Variants in LAG3 observed in about 807,000 individuals in gnomAD.
The protein encoded by LAG3 is lymphocyte activation gene 3 protein.
A neutral mutation model predicts 49.0 loss-of-function variants in LAG3; 29 were observed. The observed-to-expected ratio is 0.59, with a 90% CI of 0.44 to 0.81. The LOEUF is 0.81. Among genes scored for constraint, LAG3 ranks in the 30% least tolerant of loss-of-function variants. LAG3 has a pLI of 0.00. For synonymous variants in LAG3, 320 were observed against 297.3 expected, an observed-to-expected ratio of 1.08 and a Z score of -0.79; for missense variants, 693 against 695.2, an observed-to-expected ratio of 1.00 and a Z score of 0.04.
In LAG3 at chr12:6,773,875, C is replaced by A; in HGVS notation, c.385C>A (p.Arg129Ser). Reference protein sequence around the residue: ...RVQLDERGRQRGDFSLWLRPA... With the variant: ...RVQLDERGRQSGDFSLWLRPA... ...CCAGCTGGATGAGCGCGGCCGGCAG[C>A]GCGGGGACTTCTCGCTATGGCTGCG... Residue 129 changes from arginine to serine, a missense_variant, in exon 3 of 8, where the codon CGC becomes AGC. By Grantham distance (110) the Arg-to-Ser change is moderately radical (BLOSUM62 -1). Coordinates refer to ENST00000203629, the MANE Select transcript of LAG3 (RefSeq NM_002286.6). This position sits in a 1 kb window ranked among gnomAD's most constrained non-coding sequence, Gnocchi z 5.5. 1.4e-6 allele frequency: 2 copies of A among 1,400,678 alleles called. No homozygotes were observed. The highest frequency in any genetic ancestry group is 3.5e-5 in the Admixed American group (1 of 28,554). 86.8% of individuals were successfully genotyped at this position (1,400,678 alleles called of 1,614,324 possible). A position where few individuals can be genotyped will look rare whatever the true frequency, so the allele number is the denominator to read the frequency against.
Position 6,773,551 on chromosome 12 carries a change from C to T in LAG3, c.207-146C>T. On this transcript the variant is annotated intron_variant, in intron 2 of 7. Transcript: ENST00000203629. This position sits in a 1 kb window ranked among gnomAD's most constrained non-coding sequence, Gnocchi z 5.5. ...CTCTCCAGAAGTGGATGCGGCCAGT[C>T]CAACAGAGGGGTCGGGCGTGAGGGG... 8.8e-7 allele frequency: 1 copy of T among 1,140,020 alleles called. No homozygotes were observed. Among genetic ancestry groups the T allele is most frequent in the African/African-American group, 1.6e-5 (1 of 61,372 alleles). The allele number at this position is 1,140,020 out of a possible 1,614,324, so 70.6% of individuals were successfully genotyped here. A position where few individuals can be genotyped will look rare whatever the true frequency, so the allele number is the denominator to read the frequency against.
In LAG3 at chr12:6,772,644, G is replaced by C; in HGVS notation, c.-209G>C. The C allele has an allele frequency of 1.1e-5, 5 of 462,350 alleles. No homozygotes were observed. The highest frequency in any genetic ancestry group is 2.0e-5 in the African/African-American group (1 of 49,458). The allele number at this position is 462,350 out of a possible 1,614,324, so 28.6% of individuals were successfully genotyped here. On this transcript the variant is annotated 5_prime_UTR_variant, in exon 1 of 8. Coordinates refer to ENST00000203629, the MANE Select transcript of LAG3 (RefSeq NM_002286.6). ...CTCCTCAGGCTGCCTGATCTGCCCA[G>C]CTTTCCAGCTTTCCTCTGGATTCCG...
Position 6,778,316 on chromosome 12 carries a change from C to G in LAG3, c.1504C>G (p.Leu502Val), listed in dbSNP as rs778268768. 13 of 1,613,600 alleles carry G rather than the reference C, an allele frequency of 8.1e-6. No homozygotes were observed. The highest frequency in any genetic ancestry group is 1.0e-5 in the Non-Finnish European group (12 of 1,179,864). ...GCAGGCTCAGAGCAAGATAGAGGAG[C>G]TGGAGCAAGAACCGGAGCCGGAGCC... ...PPQAQSKIEE[L>V]EQEPEPEPEP... Residue 502 changes from leucine to valine, a missense_variant, in exon 8 of 8, where the codon CTG becomes GTG. Leu to Val is a conservative substitution (Grantham distance 32, BLOSUM62 1). Coordinates refer to ENST00000203629, the MANE Select transcript of LAG3 (RefSeq NM_002286.6).
chr12:6,777,602 C>A, intron 6 of LAG3, 96 bp downstream of exon 6: 1 of 1,510,066 alleles, frequency 6.6e-7, no homozygotes, highest in Non-Finnish European at 8.9e-7. Flanking sequence ...CAGCGCTTTT[C>A]TTTCCAGTCA....
chr12:6,777,178 A>AG, intron 5 of LAG3, 86 bp from the exon 6 acceptor site: 1 of 1,510,990 alleles, frequency 6.6e-7, no homozygotes, highest in East Asian at 2.3e-5. Flanking sequence ...AAGTGAGTGC[A>AG]GGGTGATTGA....
In LAG3 at chr12:6,773,371, C is replaced by T. The variant is rs1437867584; in HGVS notation, c.206+32C>T. The T allele has an allele frequency of 6.2e-7, 1 of 1,611,420 alleles. No homozygotes were observed. The highest frequency in any genetic ancestry group is 2.2e-5 in the East Asian group (1 of 44,828). On this transcript the variant is annotated intron_variant, in intron 2 of 7. Transcript: ENST00000203629. This position sits in a 1 kb window ranked among gnomAD's most constrained non-coding sequence, Gnocchi z 5.5. ...ACCCCAAACTTGGGCAACAGGACCT[C>T]CGAATCCAGCACTCAACCCCACACC...
At position 6,774,884 on chromosome 12, in the gene LAG3, T is replaced by C. The variant is rs1381520643; in HGVS notation, c.781+20T>C. ...TTCTGGGTAACTCCCCCACTCTGCT[T>C]CACATTTGACCACAACTCCTTCCTG... On this transcript the variant is annotated intron_variant, in intron 4 of 7. Transcript: ENST00000203629. 2.5e-6 allele frequency: 4 copies of C among 1,600,008 alleles called. No homozygotes were observed. In the African/African-American group the frequency reaches 5.4e-5, roughly 21 times the overall value.
At chr12:6,775,752 G>A (rs1328716551) in intron 5 of LAG3, 1 of 593,162 alleles carries the variant, frequency 1.7e-6, no homozygotes, top group East Asian at 2.8e-5. Flanking sequence ...TGAGTCACAA[G>A]ATAAAAGTTC....
At chr12:6,776,989 C>T (rs561668109) in intron 5 of LAG3, among the ~76,000 whole-genome samples, 91 of 152,250 alleles carry the variant, frequency 6.0e-4, no homozygotes, top group Middle Eastern at 3.4e-3. Context: ...CACCTGTAAT[C>T]CCAGCACTTT....
chr12:6,774,477 G>C, intron 3 of LAG3, 118 bp from the exon 4 acceptor site: 1 of 1,135,958 alleles, frequency 8.8e-7, no homozygotes, highest in Non-Finnish European at 1.2e-6. Context: ...TGATGTGGGA[G>C]AGGAGAAGAC....
rs757984607 is a variant in LAG3, at chr12:6,777,818, G to T, written c.1328G>T (p.Gly443Val). ...GCCCAACGCTCTGGGAGAGCCCCAG[G>T]TGCCCTCCCAGCAGGCCACCTCCTG... ...PGAQRSGRAP[G>V]ALPAGHLLLF... Residue 443 changes from glycine to valine, a missense_variant, in exon 7 of 8, where the codon GGT becomes GTT. Physicochemically the swap from Gly to Val is moderately radical, Grantham distance 109. Coordinates refer to ENST00000203629, the MANE Select transcript of LAG3 (RefSeq NM_002286.6). 1 of 1,613,880 alleles carries T rather than the reference G, an allele frequency of 6.2e-7. No individual in the cohort carries two copies. Among genetic ancestry groups the T allele is most frequent in the Non-Finnish European group, 8.5e-7 (1 of 1,179,966 alleles).
intron 5 of LAG3, chr12:6,775,796 T>C (rs1183935198): frequency 8.0e-6 from 4 of 500,074 alleles, no homozygotes; most frequent in Non-Finnish European, 1.4e-5. Context: ...TGCTCTCAAT[T>C]GGCGGGAGGG....
chr12:6,772,772 A>G lies in LAG3; in HGVS notation c.-81A>G. On this transcript the variant is annotated 5_prime_UTR_variant, in exon 1 of 8. Coordinates refer to ENST00000203629, the MANE Select transcript of LAG3 (RefSeq NM_002286.6). ...TCCCTCTCTGCAGAACTTCTCCTTT[A>G]CCCCCCACCCCCCACCACTGCCCCC... 4.7e-5 allele frequency: 30 copies of G among 637,456 alleles called. No homozygotes were observed. The highest frequency in any genetic ancestry group is 1.5e-4 in the East Asian group (3 of 20,196). 39.5% of individuals were successfully genotyped at this position (637,456 alleles called of 1,614,324 possible).
chr12:6,777,999 C>T, intron 7 of LAG3, 78 bp downstream of exon 7: 2 of 1,601,620 alleles, frequency 1.2e-6, no homozygotes, highest in Non-Finnish European at 1.7e-6. Flanking sequence ...GCACCCCTTC[C>T]TCAGGAAGGT....
intron 5 of LAG3, chr12:6,775,804 G>T (rs776711310): frequency 1.0e-5 from 5 of 478,504 alleles, no homozygotes; most frequent in Non-Finnish European, 1.1e-5. Flanking sequence ...ATTGGCGGGA[G>T]GGTCTGGGAA....
In LAG3 at chr12:6,772,779, AC is replaced by A. The variant is rs1474487519; in HGVS notation, c.-68del. ...CTGCAGAACTTCTCCTTTACCCCCC[AC>A]CCCCCACCACTGCCCCCTTTCCTTT... is the stretch of plus-strand genomic sequence containing the variant. On this transcript the variant is annotated 5_prime_UTR_variant, in exon 1 of 8. Transcript: ENST00000203629. 9 of 278,054 alleles carry A rather than the reference AC, an allele frequency of 3.2e-5. No homozygotes were observed. The highest frequency in any genetic ancestry group is 1.5e-4 in the East Asian group (2 of 12,992). The allele number at this position is 278,054 out of a possible 1,614,324, so 17.2% of individuals were successfully genotyped here. A position where few individuals can be genotyped will look rare whatever the true frequency, so the allele number is the denominator to read the frequency against.
Position 6,777,457 on chromosome 12 carries a change from G to A in LAG3, c.1251G>A (p.Gly417=), listed in dbSNP as rs1194827831. ...CTTGGCAATGCCAGCTGTACCAGGG[G>A]GAGAGGCTTCTTGGAGCAGCAGTGT... ...SQPWQCQLYQ[G]ERLLGAAVYF... The change falls in exon 6 of 8, where the codon GGG becomes GGA. Residue 417 remains glycine, a synonymous_variant. Transcript: ENST00000203629. 2 of 1,614,058 alleles carry A rather than the reference G, an allele frequency of 1.2e-6. No individual in the cohort carries two copies. Among genetic ancestry groups the A allele is most frequent in the African/African-American group, 2.7e-5 (2 of 74,924 alleles).
intron 4 of LAG3, 102 bp from the exon 5 acceptor site, chr12:6,775,171 C>A: frequency 7.7e-7 from 1 of 1,296,306 alleles, no homozygotes; most frequent in Non-Finnish European, 1.1e-6. Flanking sequence ...TCTTATGAGC[C>A]AGACCATCTC....
In LAG3 at chr12:6,774,726, G is replaced by A; in HGVS notation, c.643G>A (p.Glu215Lys). 1 of 1,614,166 alleles carries A rather than the reference G, an allele frequency of 6.2e-7. No individual in the cohort carries two copies. The highest frequency in any genetic ancestry group is 8.5e-7 in the Non-Finnish European group (1 of 1,180,014). ...GGGCCAGGGCCGAGTCCCTGTCCGG[G>A]AGTCCCCCCATCACCACTTAGCGGA... ...NRGQGRVPVR[E>K]SPHHHLAESF... Residue 215 changes from glutamate to lysine, a missense_variant, in exon 4 of 8, where the codon GAG (glutamate) becomes AAG (lysine). Transcript: ENST00000203629.
Sources: gnomAD v4.1 joint callset for allele counts (sites outside exome capture counted in the v4.1 genomes callset) on GRCh38, gnomAD v4.1.1 for gene constraint, Gnocchi (gnomAD v3.1) non-coding constraint, MANE v1.5 for transcripts, NCBI Gene and HGNC (gene_info 2026-07-23, HGNC 2026-07-21) for gene names.